PLXDC2: variants seen among roughly 807,000 people sequenced by gnomAD.
The protein encoded by PLXDC2 is plexin domain containing 2, also known as plexin domain-containing protein 2.
Under a neutral mutation model 68.9 loss-of-function variants are expected in PLXDC2, and 40 were observed. The observed-to-expected ratio is 0.58, with a 90% confidence interval of 0.45 to 0.76. The LOEUF is 0.76. Among genes scored for constraint, PLXDC2 ranks in the 30% least tolerant of loss-of-function variants. The probability of loss-of-function intolerance (pLI) is 0.00; values close to 1 mark genes in which losing one functional copy is unlikely to be tolerated. For missense variants in PLXDC2, 644 were observed against 661.9 expected (o/e 0.97, Z 0.30); for synonymous variants, 243 against 234.2 (o/e 1.04, Z -0.34).
At chr10:20,168,385 C>T (rs1159055703) in intron 7 of PLXDC2, among the ~76,000 whole-genome samples, 1 of 152,040 alleles carries the variant, frequency 6.6e-6, no homozygotes, top group Non-Finnish European at 1.5e-5. Flanking sequence ...TTTCCATCAT[C>T]GTTATCACTT....
At chr10:20,079,571 G>A (rs1172230130) in intron 4 of PLXDC2, among the ~76,000 whole-genome samples, 1 of 152,082 alleles carries the variant, frequency 6.6e-6, no homozygotes, top group Non-Finnish European at 1.5e-5. Context: ...AAGAAAATGT[G>A]GCACATATAC....
chr10:20,129,090 A>G (rs755522599), intron 4 of PLXDC2, among the ~76,000 whole-genome samples: 2 of 152,120 alleles, frequency 1.3e-5, no homozygotes, highest in African/African-American at 2.4e-5. Flanking sequence ...ACTAATTTAC[A>G]TTTCCACCAA....
chr10:20,141,002 T>C (rs910381852), intron 4 of PLXDC2, among the ~76,000 whole-genome samples: 2 of 152,200 alleles, frequency 1.3e-5, no homozygotes, highest in East Asian at 1.9e-4. Context: ...GTAATACTCA[T>C]AGTGACATAA....
At chr10:19,909,216 G>A (rs77170868) in intron 1 of PLXDC2, among the ~76,000 whole-genome samples, 3,405 of 152,226 alleles carry the variant, frequency 0.022, 55 homozygotes, top group African/African-American at 0.034. Flanking sequence ...AAACCTCAGG[G>A]ATGTTGGTAA....
intron 9 of PLXDC2, among the ~76,000 whole-genome samples, chr10:20,209,005 C>G (rs1835031277): frequency 6.6e-6 from 1 of 151,972 alleles, no homozygotes; most frequent in South Asian, 2.1e-4. Flanking sequence ...TAGAATATCA[C>G]AAGGCAAATG....
chr10:20,143,179 C>A, intron 4 of PLXDC2, 116 bp from the exon 5 acceptor site: 1 of 1,087,356 alleles, frequency 9.2e-7, no homozygotes, highest in Non-Finnish European at 1.3e-6. Context: ...CCTTTTTTTC[C>A]AGCTACCATG....
chr10:19,900,919 TG>T (rs1165728751), intron 1 of PLXDC2, among the ~76,000 whole-genome samples: 1 of 151,890 alleles, frequency 6.6e-6, no homozygotes, highest in Non-Finnish European at 1.5e-5. Context: ...TCCAGGTTGC[TG>T]CAAATGCCAT....
chr10:20,254,272 A>C (rs1481359249), intron 13 of PLXDC2, among the ~76,000 whole-genome samples: 1 of 152,218 alleles, frequency 6.6e-6, no homozygotes, highest in African/African-American at 2.4e-5. Flanking sequence ...ACCACCAGGA[A>C]ACAAGCCAGA....
chr10:19,904,168 G>T (rs1459648663), intron 1 of PLXDC2, among the ~76,000 whole-genome samples: 1 of 152,118 alleles, frequency 6.6e-6, no homozygotes, highest in African/African-American at 2.4e-5. Context: ...CAGTTGTCGG[G>T]TAGAATGTTC....
intron 2 of PLXDC2, among the ~76,000 whole-genome samples, chr10:20,037,360 A>G (rs1171184236): frequency 6.7e-6 from 1 of 148,700 alleles, no homozygotes; most frequent in Non-Finnish European, 1.5e-5. Context: ...TTTTTTTTTA[A>G]TTTTTATTTT....
At chr10:19,950,591 AT>A (rs1484248490) in intron 1 of PLXDC2, among the ~76,000 whole-genome samples, 1 of 152,252 alleles carries the variant, frequency 6.6e-6, no homozygotes, top group East Asian at 1.9e-4. Flanking sequence ...CAATCTACAG[AT>A]TCAACTCTAT....
chr10:20,105,181 G>A lies in PLXDC2; in HGVS notation c.541+36942G>A, dbSNP rs139622480. 3.8e-3 allele frequency among the ~76,000 whole-genome samples: 578 copies of A among 151,658 alleles called. 8 individuals are homozygous for A. Among genetic ancestry groups the A allele is most frequent in the African/African-American group, 0.013 (540 of 41,326 alleles). On this transcript the variant is annotated intron_variant, in intron 4 of 13. Transcript: ENST00000377252. ...TATGTTTCCTTGAGACTCTCCACCCGCCTTTTATTGGCATATGGTGAAATA... is the reference window on the plus strand; with the variant it reads ...TATGTTTCCTTGAGACTCTCCACCCACCTTTTATTGGCATATGGTGAAATA...
intron 4 of PLXDC2, among the ~76,000 whole-genome samples, chr10:20,087,878 A>T (rs1046802296): frequency 6.6e-6 from 1 of 152,228 alleles, no homozygotes; most frequent in Non-Finnish European, 1.5e-5. Context: ...CAACATATTC[A>T]TGAACCTCCC....
At chr10:20,158,116 C>A (rs1834240744) in intron 6 of PLXDC2, among the ~76,000 whole-genome samples, 1 of 151,826 alleles carries the variant, frequency 6.6e-6, no homozygotes, top group Admixed American at 6.6e-5. Context: ...AGTTTGGCTT[C>A]CTGACACCCC....
chr10:19,986,350 A>G (rs139744855), intron 1 of PLXDC2, among the ~76,000 whole-genome samples: 38 of 152,310 alleles, frequency 2.5e-4, no homozygotes, highest in African/African-American at 8.7e-4. Context: ...TAGAAAATTA[A>G]ATCAGTTTTC....
Position 19,959,682 on chromosome 10 carries a change from G to T in PLXDC2, c.113-42093G>T, listed in dbSNP as rs1834124639. Among the ~76,000 whole-genome samples, 5 of 152,050 alleles carry T rather than the reference G, an allele frequency of 3.3e-5. No individual in the cohort carries two copies. The South Asian group carries it at 1.0e-3, about 32-fold the overall frequency. ...ATTTAAATCAGCAATTTAAAACCTG[G>T]GGTCTATGTATCACTTATAAACTCC... On this transcript the variant is annotated intron_variant, in intron 1 of 13. Coordinates refer to ENST00000377252, the MANE Select transcript of PLXDC2 (RefSeq NM_032812.9).
intron 4 of PLXDC2, among the ~76,000 whole-genome samples, chr10:20,083,402 G>A (rs1213237553): frequency 6.6e-6 from 1 of 151,500 alleles, no homozygotes; most frequent in Non-Finnish European, 1.5e-5. Flanking sequence ...GTGTGAACCC[G>A]GGAGGCGGAG....
At chr10:20,010,514 T>C (rs985482486) in intron 2 of PLXDC2, among the ~76,000 whole-genome samples, 1 of 152,172 alleles carries the variant, frequency 6.6e-6, no homozygotes, top group African/African-American at 2.4e-5. Context: ...CAGCTCTTTA[T>C]TGAAACAAAA....
chr10:19,879,171 A>T (rs1475593716), intron 1 of PLXDC2, among the ~76,000 whole-genome samples: 1 of 152,196 alleles, frequency 6.6e-6, no homozygotes, highest in East Asian at 1.9e-4. Flanking sequence ...TAAAGCAATG[A>T]TAGGATAGGT....
Sources: gnomAD v4.1 joint callset for allele counts (sites outside exome capture counted in the v4.1 genomes callset) on GRCh38, gnomAD v4.1.1 for gene constraint, MANE v1.5 for transcripts, NCBI Gene and HGNC (gene_info 2026-07-23, HGNC 2026-07-21) for gene names.